The following PSMB5 variants were observed in gnomAD, a reference collection of about 807,000 sequenced individuals.
PSMB5 encodes the protein proteasome subunit beta type-5.
Under a neutral mutation model 22.8 loss-of-function variants are expected in PSMB5, and 2 were observed. The ratio of observed to expected loss-of-function variants is 0.09; its 90% CI spans 0.04 to 0.28. PSMB5 has a LOEUF of 0.28. Ranked by LOEUF, PSMB5 falls within the 10% of genes least tolerant of loss-of-function variation. The probability of loss-of-function intolerance (pLI) is 1.00; values close to 1 mark genes in which losing one functional copy is unlikely to be tolerated. For missense variants in PSMB5, 269 were observed against 343.8 expected (o/e 0.78, Z 1.72); for synonymous variants, 133 against 135.3 (o/e 0.98, Z 0.12).
In PSMB5 at chr14:23,025,993, C is replaced by T; in HGVS notation, c.*96G>A. The T allele has an allele frequency of 6.5e-7, 1 of 1,549,286 alleles. No individual in the cohort carries two copies. The highest frequency in any genetic ancestry group is 8.7e-7 in the Non-Finnish European group (1 of 1,147,716). On this transcript the variant is annotated 3_prime_UTR_variant, in exon 3 of 3. Transcript: ENST00000361611. ...AAAAAAGTACTGATACAATTGAAGG[C>T]CCTTCCACTATAAATAGGATGGAGG...
intron 2 of PSMB5, among the ~76,000 whole-genome samples, chr14:23,028,980 T>C (rs978318911): frequency 2.0e-5 from 3 of 152,196 alleles, no homozygotes; most frequent in African/African-American, 7.2e-5. Context: ...ATTCTGCCAA[T>C]AGCATCACTA....
At chr14:23,034,260 TA>T (rs1247827461) in intron 1 of PSMB5, among the ~76,000 whole-genome samples, 1 of 152,176 alleles carries the variant, frequency 6.6e-6, no homozygotes, top group Non-Finnish European at 1.5e-5. Flanking sequence ...GTACAATGCT[TA>T]CCCTCACCAC....
intron 2 of PSMB5, among the ~76,000 whole-genome samples, chr14:23,027,424 A>AATATAT (rs371329531): frequency 9.7e-5 from 14 of 143,660 alleles, no homozygotes; most frequent in East Asian, 2.0e-4. Context: ...TAAATAAAAT[A>AATATAT]ATATATATAT....
chr14:23,026,345 C>T lies in PSMB5; in HGVS notation c.536G>A (p.Arg179Gln), dbSNP rs372901909. 4 of 1,613,968 alleles carry T rather than the reference C, an allele frequency of 2.5e-6. No individual in the cohort carries two copies. The highest frequency in any genetic ancestry group is 2.2e-5 in the East Asian group (1 of 44,880). Reference sequence around the variant, plus strand: ...TACAGAGAAGGTGGCCCCTGAAATCCGGTTCCCTTCACTGTCCACGTAGTA... The same window carrying T: ...TACAGAGAAGGTGGCCCCTGAAATCTGGTTCCCTTCACTGTCCACGTAGTA... ...GLYYVDSEGN[R>Q]ISGATFSVGS... The change falls in exon 3 of 3, where the codon CGG becomes CAG. Residue 179 changes from arginine (R) to glutamine (Q), a missense_variant. Arg to Gln is a conservative substitution (Grantham distance 43). Coordinates refer to ENST00000361611, the MANE Select transcript of PSMB5 (RefSeq NM_002797.5).
chr14:23,034,780 A>T lies in PSMB5; in HGVS notation c.102T>A (p.Ser34Arg). The change falls in exon 1 of 3, where the codon AGT (serine) becomes AGA (arginine). Residue 34 changes from serine (S) to arginine (R), a missense_variant. Around this residue, in one of 3 missense-constraint regions of PSMB5, gnomAD observed 81 missense variants for 70.4 expected, o/e 1.15. Coordinates refer to ENST00000361611, the MANE Select transcript of PSMB5 (RefSeq NM_002797.5). ...RADLLDLGPG[S>R]LSDGLSLAAP... ...CGGCCAGGCTCAGACCATCACTGAG[A>T]CTCCCTGGACCTAGATCCAGCAGAT... 1 of 1,613,906 alleles carries T rather than the reference A, an allele frequency of 6.2e-7. No homozygotes were observed. The highest frequency in any genetic ancestry group is 8.5e-7 in the Non-Finnish European group (1 of 1,179,976).
At chr14:23,033,071 T>C (rs921107815) in intron 2 of PSMB5, among the ~76,000 whole-genome samples, 5 of 151,800 alleles carry the variant, frequency 3.3e-5, no homozygotes, top group African/African-American at 1.2e-4. Context: ...CACGCCGGGC[T>C]AATTTTTGTA....
chr14:23,028,475 G>A (rs1376021884), intron 2 of PSMB5, among the ~76,000 whole-genome samples: 1 of 152,044 alleles, frequency 6.6e-6, no homozygotes, highest in Non-Finnish European at 1.5e-5. Context: ...ATAATATTTT[G>A]GATTTATTAG....
chr14:23,034,829 A>C lies in PSMB5; in HGVS notation c.53T>G (p.Phe18Cys), dbSNP rs774869519. ...ATCTGCACGACCCCCAAGTCCGAAAAACCCGCGCTGGTTCACCGGTAGCGG... is the reference window on the plus strand; with the variant it reads ...ATCTGCACGACCCCCAAGTCCGAAACACCCGCGCTGGTTCACCGGTAGCGG... ...ERPLPVNQRG[F>C]FGLGGRADLL... Residue 18 changes from phenylalanine (F) to cysteine (C), a missense_variant, in exon 1 of 3, where the codon TTT (phenylalanine) becomes TGT (cysteine). Phe to Cys is a radical substitution (Grantham distance 205). Transcript: ENST00000361611. The C allele has an allele frequency of 1.2e-6, 2 of 1,614,218 alleles. No individual in the cohort carries two copies. Among genetic ancestry groups the C allele is most frequent in the East Asian group, 4.5e-5 (2 of 44,886 alleles).
intron 2 of PSMB5, among the ~76,000 whole-genome samples, chr14:23,028,057 C>T (rs559980291): frequency 6.6e-6 from 1 of 152,238 alleles, no homozygotes; most frequent in East Asian, 1.9e-4. Flanking sequence ...GCAGGAGAAT[C>T]ACTTGAACCT....
Position 23,027,178 on chromosome 14 carries a change from C to T in PSMB5, c.506-803G>A, listed in dbSNP as rs1158386323. On this transcript the variant is annotated intron_variant, in intron 2 of 2. Transcript: ENST00000361611. ...CGGGTGGATCACGAGGTCAGGAGAT[C>T]GAGATCATCCTGGCTAACACGGTGA... Among the ~76,000 whole-genome samples, 107 of 151,574 alleles carry T rather than the reference C, an allele frequency of 7.1e-4. 2 individuals are homozygous for T. The highest frequency in any genetic ancestry group is 2.5e-4 in the Non-Finnish European group (17 of 67,858).
intron 2 of PSMB5, among the ~76,000 whole-genome samples, chr14:23,031,895 C>T (rs1307433848): frequency 2.6e-5 from 4 of 152,140 alleles, no homozygotes; most frequent in Non-Finnish European, 5.9e-5. Flanking sequence ...TCAAGACCAG[C>T]CTGGCCAACA....
chr14:23,033,374 C>A lies in PSMB5; in HGVS notation c.499G>T (p.Gly167Cys). ...GTMICGWDKR[G>C]PGLYYVDSEG... ...TGGTTGCAGCTTAACTCACCAGGGC[C>A]TCTCTTATCCCAGCCACAGATCATG... is the stretch of plus-strand genomic sequence containing the variant. The change falls in exon 2 of 3, where the codon GGC becomes TGC. Residue 167 changes from glycine (G) to cysteine (C), a missense_variant. Gly to Cys is a radical substitution (Grantham distance 159). This residue lies in a region of PSMB5 where 113 missense variants were observed against 130.2 expected (regional missense o/e 0.87). Transcript: ENST00000361611. 1 of 1,607,246 alleles carries A rather than the reference C, an allele frequency of 6.2e-7. No homozygotes were observed. Among genetic ancestry groups the A allele is most frequent in the African/African-American group, 1.3e-5 (1 of 74,914 alleles).
chr14:23,029,882 C>T (rs1207793190), intron 2 of PSMB5, among the ~76,000 whole-genome samples: 4 of 151,498 alleles, frequency 2.6e-5, no homozygotes, highest in Non-Finnish European at 5.9e-5. Context: ...CCTGGGTTCA[C>T]GCCATTCTCC....
upstream of PSMB5, chr14:23,035,139 T>C (rs1268010217): frequency 3.6e-6 from 2 of 562,612 alleles, no homozygotes; most frequent in East Asian, 7.2e-5. Context: ...GTCATGCAAG[T>C]AGTCCTGGAT....
At chr14:23,032,759 T>G (rs974183036) in intron 2 of PSMB5, among the ~76,000 whole-genome samples, 12 of 140,948 alleles carry the variant, frequency 8.5e-5, no homozygotes, top group South Asian at 2.3e-4. Context: ...CCACCACGCC[T>G]GGCTAATTTT....
chr14:23,029,939 G>A (rs892366766), intron 2 of PSMB5, among the ~76,000 whole-genome samples: 3 of 151,962 alleles, frequency 2.0e-5, no homozygotes, highest in Admixed American at 6.6e-5. Flanking sequence ...CCACCACCAC[G>A]CCCAGCTAAT....
Position 23,026,080 on chromosome 14 carries a change from C to T in PSMB5, c.*9G>A. 1 of 1,612,822 alleles carries T rather than the reference C, an allele frequency of 6.2e-7. No individual in the cohort carries two copies. Among genetic ancestry groups the T allele is most frequent in the Non-Finnish European group, 8.5e-7 (1 of 1,178,956 alleles). On this transcript the variant is annotated 3_prime_UTR_variant, in exon 3 of 3. Coordinates refer to ENST00000361611, the MANE Select transcript of PSMB5 (RefSeq NM_002797.5). The stretch of plus-strand genomic sequence containing the variant: ...CCCAAGAAACACAAGCAGCTGCATC[C>T]ACCCTCTTTCAGGGGGTAGAGCCAC...
chr14:23,033,224 G>GA (rs142564613), intron 2 of PSMB5, 144 bp downstream of exon 2: 23,202 of 675,216 alleles, frequency 0.034, 3 homozygotes, highest in Middle Eastern at 0.038. Flanking sequence ...AAAAAAACAG[G>GA]AAAAAAAAAA....
At chr14:23,032,969 C>T (rs528392873) in intron 2 of PSMB5, among the ~76,000 whole-genome samples, 5 of 149,314 alleles carry the variant, frequency 3.3e-5, no homozygotes, top group Middle Eastern at 3.5e-3. Flanking sequence ...TGCAGTGGCG[C>T]GATCTCTGCT....
Sources: allele counts gnomAD v4.1 joint callset (sites outside exome capture counted in the v4.1 genomes callset), GRCh38; gene constraint gnomAD v4.1.1; regional missense constraint gnomAD v4.1.1; transcripts MANE v1.5; gene names NCBI Gene and HGNC (gene_info 2026-07-23, HGNC 2026-07-21).